The following MAP3K20 variants were observed in gnomAD, a reference collection of about 807,000 sequenced individuals.
MAP3K20 encodes HCCS-4.
Under a neutral mutation model 85.7 loss-of-function variants are expected in MAP3K20, and 40 were observed. That is an observed-to-expected ratio of 0.47 (90% CI 0.36 to 0.61). The LOEUF (loss-of-function observed/expected upper bound fraction) is 0.61. MAP3K20 is among the 20% of genes least tolerant of loss of function. The pLI, the probability that MAP3K20 is intolerant of heterozygous loss-of-function variation, is 0.00. For missense variants in MAP3K20, 817 were observed against 961.7 expected (o/e 0.85, Z 1.99); for synonymous variants, 325 against 327.7 (o/e 0.99, Z 0.09).
At chr2:173,242,755 G>A (rs1413218123) in intron 16 of MAP3K20, among the ~76,000 whole-genome samples, 1 of 138,620 alleles carries the variant, frequency 7.2e-6, no homozygotes, top group Non-Finnish European at 1.5e-5. Context: ...TGCCCAGGCT[G>A]GAGTGCAGTG....
intron 7 of MAP3K20, among the ~76,000 whole-genome samples, chr2:173,194,376 T>C (rs142972761): frequency 0.013 from 1,941 of 152,278 alleles, 23 homozygotes; most frequent in Middle Eastern, 0.024. Flanking sequence ...ATAAACACCA[T>C]TAATGAGAGA....
intron 2 of MAP3K20, among the ~76,000 whole-genome samples, chr2:173,096,569 ACC>A (rs1478435880): frequency 6.6e-6 from 1 of 152,072 alleles, no homozygotes; most frequent in African/African-American, 2.4e-5. Context: ...CGATCTCCTG[ACC>A]TCGTGCTCCA....
At chr2:173,191,727 A>T (rs1354099014) in intron 7 of MAP3K20, among the ~76,000 whole-genome samples, 1 of 152,248 alleles carries the variant, frequency 6.6e-6, no homozygotes, top group Non-Finnish European at 1.5e-5. Flanking sequence ...TTAGAGTAGC[A>T]GTGACTATCT....
At chr2:173,258,466 CT>C (rs1437296844) in intron 16 of MAP3K20, among the ~76,000 whole-genome samples, 1 of 151,786 alleles carries the variant, frequency 6.6e-6, no homozygotes, top group Non-Finnish European at 1.5e-5. Context: ...GAGTTTGTAA[CT>C]CCTATAATAG....
intron 18 of MAP3K20, among the ~76,000 whole-genome samples, chr2:173,262,671 A>C (rs978534271): frequency 6.6e-6 from 1 of 152,208 alleles, no homozygotes; most frequent in Non-Finnish European, 1.5e-5. Flanking sequence ...CTGGAAGCCA[A>C]AAAGTTTTAC....
intron 2 of MAP3K20, among the ~76,000 whole-genome samples, chr2:173,145,146 T>TAATC (rs1559251120): frequency 1.3e-5 from 2 of 152,010 alleles, no homozygotes; most frequent in African/African-American, 4.8e-5. Flanking sequence ...AAAGCAAAGG[T>TAATC]AATCTCTTGT....
chr2:173,266,254 C>G lies in MAP3K20; in HGVS notation c.1907C>G (p.Ser636Trp). 1.9e-6 allele frequency: 3 copies of G among 1,614,124 alleles called. No homozygotes were observed. Among genetic ancestry groups the G allele is most frequent in the Non-Finnish European group, 2.5e-6 (3 of 1,180,004 alleles). ...ACACCTGTGAACCAGTCCAGAAGCT[C>G]GTCTCCTACTCAGTATGGACTGACC... ...QITPVNQSRS[S>W]SPTQYGLTKN... Residue 636 changes from serine to tryptophan, a missense_variant, in exon 20 of 20, where the codon TCG becomes TGG. Coordinates refer to ENST00000375213, the MANE Select transcript of MAP3K20 (RefSeq NM_016653.3).
intron 2 of MAP3K20, among the ~76,000 whole-genome samples, chr2:173,150,383 T>A (rs1335046303): frequency 6.6e-6 from 1 of 152,188 alleles, no homozygotes; most frequent in Non-Finnish European, 1.5e-5. Flanking sequence ...GTTCTAACAC[T>A]TTTCCAACGC....
At chr2:173,263,703 A>ATTTG in intron 18 of MAP3K20, 42 bp from the exon 19 acceptor site, 1 of 1,579,156 alleles carries the variant, frequency 6.3e-7, no homozygotes, top group South Asian at 1.2e-5. Flanking sequence ...ATATGTTTCT[A>ATTTG]TTTGTCTTTT....
At chr2:173,264,209 T>G (rs1474797006) in intron 19 of MAP3K20, among the ~76,000 whole-genome samples, 1 of 152,214 alleles carries the variant, frequency 6.6e-6, no homozygotes. Context: ...TCCCAGTGAT[T>G]AAGAACAACT....
chr2:173,085,859 G>A (rs1447144503), intron 1 of MAP3K20, among the ~76,000 whole-genome samples: 1 of 136,074 alleles, frequency 7.3e-6, no homozygotes, highest in East Asian at 2.3e-4. Flanking sequence ...GCAGTGGTGC[G>A]ATCTTGGCTC....
At chr2:173,127,819 T>C (rs1318511324) in intron 2 of MAP3K20, among the ~76,000 whole-genome samples, 1 of 152,164 alleles carries the variant, frequency 6.6e-6, no homozygotes, top group Non-Finnish European at 1.5e-5. Context: ...AATCCCTTAT[T>C]GAACTCTTCC....
intron 9 of MAP3K20, among the ~76,000 whole-genome samples, chr2:173,208,840 G>A (rs181902610): frequency 2.0e-5 from 3 of 152,196 alleles, no homozygotes; most frequent in Non-Finnish European, 4.4e-5. Context: ...ATGATGAAGA[G>A]AGAATGTGCA....
At chr2:173,091,849 A>G (rs1687309405) in intron 2 of MAP3K20, among the ~76,000 whole-genome samples, 1 of 152,208 alleles carries the variant, frequency 6.6e-6, no homozygotes, top group Non-Finnish European at 1.5e-5. Flanking sequence ...AATGAGATAT[A>G]ACATGGTTGT....
chr2:173,243,546 A>C (rs1206946605), intron 16 of MAP3K20, among the ~76,000 whole-genome samples: 1 of 152,212 alleles, frequency 6.6e-6, no homozygotes. Context: ...GACCAGAAAA[A>C]GCACTGTCTT....
chr2:173,103,615 T>A (rs545370180), intron 2 of MAP3K20, among the ~76,000 whole-genome samples: 2 of 152,210 alleles, frequency 1.3e-5, no homozygotes, highest in Admixed American at 6.5e-5. Context: ...AAATTAACAT[T>A]TCTTTAGTTT....
intron 1 of MAP3K20, among the ~76,000 whole-genome samples, chr2:173,081,053 C>A (rs1200348567): frequency 1.3e-5 from 2 of 152,114 alleles, no homozygotes; most frequent in African/African-American, 4.8e-5. Flanking sequence ...ACAGATACCC[C>A]AATGCAAGCA....
At chr2:173,247,529 T>C (rs1416661936) in intron 16 of MAP3K20, among the ~76,000 whole-genome samples, 7 of 152,228 alleles carry the variant, frequency 4.6e-5, no homozygotes, top group African/African-American at 7.2e-5. Flanking sequence ...TTTATTTCCA[T>C]GATCAACTAT....
chr2:173,120,023 C>G lies in MAP3K20; in HGVS notation c.159+28833C>G, dbSNP rs138605268. ...TATACACAAAGAACAAGCAAAGCCC[C>G]CTCCCTCCCTGCCTTCCTGCCTTCT... On this transcript the variant is annotated intron_variant, in intron 2 of 19. Coordinates refer to ENST00000375213, the MANE Select transcript of MAP3K20 (RefSeq NM_016653.3). Among the ~76,000 whole-genome samples, 54 of 152,082 alleles carry G rather than the reference C, an allele frequency of 3.6e-4. 1 individual carries two copies. Among genetic ancestry groups the G allele is most frequent in the African/African-American group, 1.3e-3 (54 of 41,462 alleles).
Sources: allele counts gnomAD v4.1 joint callset (sites outside exome capture counted in the v4.1 genomes callset), GRCh38; gene constraint gnomAD v4.1.1; transcripts MANE v1.5; gene names NCBI Gene and HGNC (gene_info 2026-07-23, HGNC 2026-07-21).